Variants in TEC observed in about 807,000 individuals in gnomAD.
TEC encodes the protein tyrosine-protein kinase Tec.
Under a neutral mutation model 93.0 loss-of-function variants are expected in TEC, and 72 were observed. That is an observed-to-expected ratio of 0.77 (90% CI 0.64 to 0.94). TEC has a LOEUF of 0.94. Among genes scored for constraint, TEC ranks in the 40% least tolerant of loss-of-function variants. The pLI is 0.00. For missense variants in TEC, 630 were observed against 757.9 expected (o/e 0.83, Z 1.98); for synonymous variants, 249 against 247.7 (o/e 1.01, Z -0.05).
At chr4:48,226,753 G>A (rs1175913550) in intron 2 of TEC, among the ~76,000 whole-genome samples, 1 of 151,894 alleles carries the variant, frequency 6.6e-6, no homozygotes, top group Non-Finnish European at 1.5e-5. Context: ...ACTGCACAAG[G>A]GTTGGTGTCC....
intron 2 of TEC, among the ~76,000 whole-genome samples, chr4:48,205,352 G>A (rs534954924): frequency 5.3e-5 from 8 of 152,264 alleles, no homozygotes; most frequent in East Asian, 3.9e-4. Flanking sequence ...TGTGCATGCC[G>A]TTCCCAGCTC....
intron 2 of TEC, among the ~76,000 whole-genome samples, chr4:48,195,748 C>G (rs2109588224): frequency 6.6e-6 from 1 of 152,334 alleles, no homozygotes; most frequent in East Asian, 1.9e-4. Flanking sequence ...GCTATCACAG[C>G]TAGGAGCCAT....
intron 2 of TEC, among the ~76,000 whole-genome samples, chr4:48,182,716 GGA>G (rs1380188391): frequency 4.6e-5 from 7 of 152,116 alleles, no homozygotes; most frequent in African/African-American, 1.7e-4. Context: ...GGCAGAACTC[GGA>G]GTTAGATGGA....
intron 1 of TEC, among the ~76,000 whole-genome samples, chr4:48,251,410 C>T (rs1724196466): frequency 6.6e-6 from 1 of 152,190 alleles, no homozygotes; most frequent in Non-Finnish European, 1.5e-5. Context: ...AAAGACCTTC[C>T]TTTGACTACC....
intron 1 of TEC, among the ~76,000 whole-genome samples, chr4:48,239,174 C>T (rs1023831030): frequency 5.9e-5 from 9 of 151,754 alleles, no homozygotes; most frequent in East Asian, 1.9e-4. Context: ...CAAACTCACA[C>T]GTAAAAGAAG....
In TEC at chr4:48,206,493, G is replaced by A. The variant is rs145241419; in HGVS notation, c.138+21984C>T. On this transcript the variant is annotated intron_variant, in intron 2 of 17. Coordinates refer to ENST00000381501, the MANE Select transcript of TEC (RefSeq NM_003215.3). ...GAACAGAAAACCTAAGAAACAAAATGTAGAAATAGGTATTTCGATAGAGAC... is the reference window on the plus strand; with the variant it reads ...GAACAGAAAACCTAAGAAACAAAATATAGAAATAGGTATTTCGATAGAGAC... 7.7e-3 allele frequency among the ~76,000 whole-genome samples: 1,165 copies of A among 152,192 alleles called. 9 individuals are homozygous for A. The highest frequency in any genetic ancestry group is 0.024 in the Middle Eastern group (7 of 292).
chr4:48,196,005 T>G (rs1215252215), intron 2 of TEC, among the ~76,000 whole-genome samples: 2 of 152,192 alleles, frequency 1.3e-5, no homozygotes, highest in Admixed American at 1.3e-4. Context: ...CTCACCTCCC[T>G]TCTGGTGGTA....
At chr4:48,157,695 T>C (rs1418804022) in intron 8 of TEC, among the ~76,000 whole-genome samples, 1 of 152,192 alleles carries the variant, frequency 6.6e-6, no homozygotes, top group Admixed American at 6.5e-5. Flanking sequence ...TTTGTATTTT[T>C]AGTAGAGACA....
At chr4:48,250,585 A>G (rs2109667747) in intron 1 of TEC, among the ~76,000 whole-genome samples, 1 of 152,282 alleles carries the variant, frequency 6.6e-6, no homozygotes, top group South Asian at 2.1e-4. Context: ...CTTTGCGATC[A>G]CCGTGAGAAT....
In TEC at chr4:48,137,289, ATTAT is replaced by A. The variant is rs3062021; in HGVS notation, c.*123_*126del. On this transcript the variant is annotated 3_prime_UTR_variant, in exon 18 of 18. Coordinates refer to ENST00000381501, the MANE Select transcript of TEC (RefSeq NM_003215.3). ...TAGACAGAGGCTGGTCTAGAAGCAAATTATTTATGTGTTTCCACTGTATAAGTAA... is the reference window on the plus strand; with the variant it reads ...TAGACAGAGGCTGGTCTAGAAGCAAATTATGTGTTTCCACTGTATAAGTAA... 0.36 allele frequency: 261,034 copies of A among 715,754 alleles called. 50,620 individuals are homozygous for A. Among genetic ancestry groups the A allele is most frequent in the East Asian group, 0.61 (22,582 of 36,724 alleles). 44.3% of individuals were successfully genotyped at this position (715,754 alleles called of 1,614,324 possible).
intron 3 of TEC, among the ~76,000 whole-genome samples, chr4:48,172,234 T>G (rs4695344): frequency 0.38 from 57,648 of 152,020 alleles, 11,957 homozygotes; most frequent in East Asian, 0.9. Flanking sequence ...CAGAAATTTT[T>G]TCATTTTATT....
chr4:48,150,826 A>C, intron 10 of TEC, 37 bp downstream of exon 10: 18 of 1,423,256 alleles, frequency 1.3e-5, no homozygotes, highest in Non-Finnish European at 1.7e-5. Flanking sequence ...TCATACAAAA[A>C]CTCTAAATTA....
chr4:48,225,468 C>T (rs369473562), intron 2 of TEC, among the ~76,000 whole-genome samples: 20 of 152,286 alleles, frequency 1.3e-4, no homozygotes, highest in African/African-American at 3.6e-4. Flanking sequence ...TGAGCCACCA[C>T]GACCGGCCCT....
chr4:48,160,769 A>AGAAAGAAAGAAAG lies in TEC; in HGVS notation c.737+2932_737+2933insCTTTCTTTCTTTC, dbSNP rs1306160736. On this transcript the variant is annotated intron_variant, in intron 8 of 17. Transcript: ENST00000381501. ...AGAAAGAAAGAAAGAAAGAAAAGAAAAAAAGAAAGAAAGAAAAGAAAAGAA... is the reference window on the plus strand; with the variant it reads ...AGAAAGAAAGAAAGAAAGAAAAGAAAGAAAGAAAGAAAGAAAAGAAAGAAAGAAAAGAAAAGAA... Among the ~76,000 whole-genome samples the AGAAAGAAAGAAAG allele has an allele frequency of 5.3e-3, 766 of 145,232 alleles. 1 individual carries two copies. The highest frequency in any genetic ancestry group is 9.6e-3 in the South Asian group (42 of 4,360).
intron 4 of TEC, among the ~76,000 whole-genome samples, chr4:48,170,869 G>T (rs1190521478): frequency 6.6e-6 from 1 of 152,118 alleles, no homozygotes; most frequent in Non-Finnish European, 1.5e-5. Flanking sequence ...TGGCCAACAT[G>T]GTGAAACCCT....
intron 1 of TEC, among the ~76,000 whole-genome samples, chr4:48,268,938 T>A (rs1054915658): frequency 3.9e-5 from 6 of 152,094 alleles, no homozygotes; most frequent in African/African-American, 1.4e-4. Flanking sequence ...ATGTTACACG[T>A]CCACGGGAAA....
chr4:48,246,567 G>A (rs1004048147), intron 1 of TEC, among the ~76,000 whole-genome samples: 5 of 151,648 alleles, frequency 3.3e-5, no homozygotes, highest in African/African-American at 7.3e-5. Flanking sequence ...CATAAGGATA[G>A]ATATATAGAT....
At chr4:48,257,755 G>C (rs1426733525) in intron 1 of TEC, among the ~76,000 whole-genome samples, 1 of 151,478 alleles carries the variant, frequency 6.6e-6, no homozygotes, top group African/African-American at 2.4e-5. Flanking sequence ...GTGTTATTTA[G>C]GTCAGTTTGC....
rs149643174 is a variant in TEC, at chr4:48,264,826, C to T, written c.-46+4926G>A. ...TAATTTTTTTTATTTTTAGTAGAGA[C>T]GAGGGTTTCACCATGTTGGCCAGGC... is the stretch of plus-strand genomic sequence containing the variant. On this transcript the variant is annotated intron_variant, in intron 1 of 17. Transcript: ENST00000381501. Among the ~76,000 whole-genome samples the T allele has an allele frequency of 9.2e-3, 1,396 of 151,980 alleles. 9 individuals are homozygous for T. The highest frequency in any genetic ancestry group is 0.027 in the Middle Eastern group (8 of 294).
Sources: gnomAD v4.1 joint callset for allele counts (sites outside exome capture counted in the v4.1 genomes callset) on GRCh38, gnomAD v4.1.1 for gene constraint, MANE v1.5 for transcripts, NCBI Gene and HGNC (gene_info 2026-07-23, HGNC 2026-07-21) for gene names.